Variants in MAN2A1 observed in about 807,000 individuals in gnomAD.
MAN2A1 encodes the protein alpha-mannosidase 2.
In MAN2A1, 76 loss-of-function variants were observed where a neutral mutation model predicts 142.6. The ratio of observed to expected loss-of-function variants is 0.53; its 90% CI spans 0.44 to 0.65. The LOEUF (loss-of-function observed/expected upper bound fraction) is 0.65. Ranked by LOEUF, MAN2A1 falls within the 30% of genes least tolerant of loss-of-function variation. The pLI, the probability that MAN2A1 is intolerant of heterozygous loss-of-function variation, is 0.00. For synonymous variants in MAN2A1, 559 were observed against 473.2 expected (o/e 1.18, Z -2.35); for missense variants, 1,311 against 1,365.1 (o/e 0.96, Z 0.62).
intron 16 of MAN2A1, among the ~76,000 whole-genome samples, chr5:109,841,246 C>G (rs886579778): frequency 4.6e-5 from 7 of 152,188 alleles, no homozygotes; most frequent in African/African-American, 1.7e-4. Flanking sequence ...CACCCATCAC[C>G]TGAGCAGTAT....
intron 3 of MAN2A1, among the ~76,000 whole-genome samples, chr5:109,724,242 A>G (rs1751683880): frequency 6.6e-6 from 1 of 152,130 alleles, no homozygotes; most frequent in African/African-American, 2.4e-5. Flanking sequence ...TAATTACTAG[A>G]TGAGAACAAT....
At chr5:109,846,391 T>C (rs909886519) in intron 18 of MAN2A1, among the ~76,000 whole-genome samples, 1 of 152,170 alleles carries the variant, frequency 6.6e-6, no homozygotes, top group Non-Finnish European at 1.5e-5. Flanking sequence ...TGGTTCAAAC[T>C]TAGGTCCTTT....
chr5:109,842,397 C>T lies in MAN2A1; in HGVS notation c.2636C>T (p.Ala879Val), dbSNP rs140395337. Residue 879 changes from alanine (A) to valine (V), a missense_variant, in exon 17 of 22, where the codon GCA (alanine) becomes GTA (valine). This residue lies in a region of MAN2A1 where 890 missense variants were observed against 920.5 expected (regional missense o/e 0.97). Coordinates refer to ENST00000261483, the MANE Select transcript of MAN2A1 (RefSeq NM_002372.4). ...CGAAAAGTATATAACCGTGAGATTG[C>T]AATGAAAATTTCTTCTGATATAAAA... ...DIRKVYNREI[A>V]MKISSDIKSQ... 206 of 1,584,308 alleles carry T rather than the reference C, an allele frequency of 1.3e-4. 1 individual carries two copies. The highest frequency in any genetic ancestry group is 3.3e-4 in the South Asian group (30 of 89,932).
chr5:109,832,227 G>T (rs1297959005), intron 16 of MAN2A1, among the ~76,000 whole-genome samples: 2 of 146,292 alleles, frequency 1.4e-5, no homozygotes, highest in Admixed American at 6.8e-5. Flanking sequence ...CGGAGAGGGG[G>T]ATTTGGCAGG....
At chr5:109,858,840 T>G (rs1436018902) in intron 20 of MAN2A1, among the ~76,000 whole-genome samples, 2 of 152,200 alleles carry the variant, frequency 1.3e-5, no homozygotes, top group Admixed American at 1.3e-4. Context: ...TTTTCTTGAC[T>G]CCTGGGATAA....
intron 12 of MAN2A1, among the ~76,000 whole-genome samples, chr5:109,796,514 G>A (rs911162012): frequency 1.3e-5 from 2 of 152,102 alleles, no homozygotes; most frequent in African/African-American, 2.4e-5. Context: ...TGATGAAAGG[G>A]CTTCCACTGT....
intron 19 of MAN2A1, among the ~76,000 whole-genome samples, chr5:109,851,241 G>A (rs532732856): frequency 1.0e-3 from 159 of 152,324 alleles, no homozygotes; most frequent in African/African-American, 3.7e-3. Flanking sequence ...GAGGACTGTG[G>A]CTGCACGAGG....
intron 16 of MAN2A1, among the ~76,000 whole-genome samples, chr5:109,833,364 C>CTCCATT (rs1754976050): frequency 6.6e-6 from 1 of 152,100 alleles, no homozygotes; most frequent in African/African-American, 2.4e-5. Context: ...CGCCACTGCA[C>CTCCATT]TCCAGCCTGG....
At chr5:109,734,586 G>A (rs562209367) in intron 4 of MAN2A1, among the ~76,000 whole-genome samples, 3 of 152,162 alleles carry the variant, frequency 2.0e-5, no homozygotes, top group African/African-American at 7.2e-5. Flanking sequence ...CTTCTCATTG[G>A]TTTCAAAGAA....
intron 16 of MAN2A1, among the ~76,000 whole-genome samples, chr5:109,824,584 C>A (rs1217747992): frequency 6.6e-6 from 1 of 152,098 alleles, no homozygotes; most frequent in Non-Finnish European, 1.5e-5. Flanking sequence ...AAAAAGACCT[C>A]ATAAAAATGC....
intron 12 of MAN2A1, among the ~76,000 whole-genome samples, chr5:109,802,985 G>C (rs1018217487): frequency 1.3e-5 from 2 of 151,934 alleles, no homozygotes; most frequent in African/African-American, 4.8e-5. Context: ...TTAGAAGTTC[G>C]AAGAAAAGTG....
intron 1 of MAN2A1, 93 bp from the exon 2 acceptor site, chr5:109,713,427 T>C: frequency 1.8e-6 from 2 of 1,090,784 alleles, no homozygotes; most frequent in Non-Finnish European, 2.6e-6. Flanking sequence ...GCTGCCCTCG[T>C]AGGCAACCAC....
rs1295541372 is a variant in MAN2A1 at position 109,842,412 on chromosome 5, C to A, written c.2651C>A (p.Ser884Tyr). 1.3e-6 allele frequency: 2 copies of A among 1,588,166 alleles called. No individual in the cohort carries two copies. The highest frequency in any genetic ancestry group is 1.7e-6 in the Non-Finnish European group (2 of 1,158,624). The stretch of plus-strand genomic sequence containing the variant: ...CGTGAGATTGCAATGAAAATTTCTT[C>A]TGATATAAAAAGCCAAAATAGATTT... ...YNREIAMKIS[S>Y]DIKSQNRFYT... The change falls in exon 17 of 22, where the codon TCT (serine) becomes TAT (tyrosine). Residue 884 changes from serine (S) to tyrosine (Y), a missense_variant. Around this residue, in one of 3 missense-constraint regions of MAN2A1, gnomAD observed 890 missense variants for 920.5 expected, o/e 0.97. Coordinates refer to ENST00000261483, the MANE Select transcript of MAN2A1 (RefSeq NM_002372.4).
intron 12 of MAN2A1, among the ~76,000 whole-genome samples, chr5:109,792,029 G>A (rs747547876): frequency 5.3e-5 from 8 of 151,954 alleles, no homozygotes; most frequent in South Asian, 2.1e-4. Context: ...GTGTGGATTC[G>A]TAGTTTTTGT....
chr5:109,820,653 A>G (rs1386161681), intron 15 of MAN2A1, among the ~76,000 whole-genome samples: 1 of 152,134 alleles, frequency 6.6e-6, no homozygotes, highest in Non-Finnish European at 1.5e-5. Flanking sequence ...TACAAAAAAT[A>G]CAAAAATTAG....
chr5:109,691,328 A>G (rs1178561966), intron 1 of MAN2A1, among the ~76,000 whole-genome samples: 2 of 152,226 alleles, frequency 1.3e-5, no homozygotes, highest in African/African-American at 2.4e-5. Flanking sequence ...TTGGAAGGGT[A>G]TCCACCGCGC....
chr5:109,798,760 C>A (rs1753933102), intron 12 of MAN2A1, among the ~76,000 whole-genome samples: 1 of 152,162 alleles, frequency 6.6e-6, no homozygotes, highest in Admixed American at 6.5e-5. Flanking sequence ...CGGCTTACTG[C>A]AAGCTCCGCC....
chr5:109,783,753 T>TTTTTTTTTTTTTTTTTTTTTTTGAG, intron 9 of MAN2A1, among the ~76,000 whole-genome samples: 1 of 151,750 alleles, frequency 6.6e-6, no homozygotes, highest in Non-Finnish European at 1.5e-5. Context: ...AATAAGTTTT[T>TTTTTTTTTTTTTTTTTTTTTTTGAG]AAGAAAAACT....
chr5:109,807,991 C>A (rs1188651681), intron 12 of MAN2A1, among the ~76,000 whole-genome samples: 3 of 152,174 alleles, frequency 2.0e-5, no homozygotes, highest in African/African-American at 7.2e-5. Context: ...CCATGTTAAA[C>A]CTTTTCCATC....
Sources: gnomAD v4.1 joint callset for allele counts (sites outside exome capture counted in the v4.1 genomes callset) on GRCh38, gnomAD v4.1.1 for gene constraint, gnomAD v4.1.1 regional missense constraint, MANE v1.5 for transcripts, NCBI Gene and HGNC (gene_info 2026-07-23, HGNC 2026-07-21) for gene names.